Variants in USH2A observed in about 807,000 individuals in gnomAD.
USH2A encodes Usher syndrome 2A (autosomal recessive, mild).
A neutral mutation model predicts 538.9 loss-of-function variants in USH2A; 443 were observed. The observed-to-expected ratio is 0.82, with a 90% CI of 0.76 to 0.89. USH2A has a LOEUF of 0.89. USH2A is among the 40% of genes least tolerant of loss of function. The probability of loss-of-function intolerance (pLI) is 0.00; values close to 1 mark genes in which losing one functional copy is unlikely to be tolerated. For synonymous variants in USH2A, 2,413 were observed against 2,273.5 expected (o/e 1.06, Z -1.75); for missense variants, 6,633 against 6,324.8 (o/e 1.05, Z -1.65).
chr1:215,683,214 TATACACACACACACAC>T (rs1658296833), intron 61 of USH2A, among the ~76,000 whole-genome samples: 1 of 88,802 alleles, frequency 1.1e-5, no homozygotes, highest in African/African-American at 4.1e-5. Context: ...TGAATAGTTT[TATACACACACACACAC>T]ACACACACAC....
At chr1:215,920,846 G>T (rs1360756279) in intron 38 of USH2A, among the ~76,000 whole-genome samples, 1 of 152,008 alleles carries the variant, frequency 6.6e-6, no homozygotes, top group African/African-American at 2.4e-5. Flanking sequence ...GATGAGGAAA[G>T]TATTCCTGCT....
At chr1:216,355,172 A>G (rs1455285825) in intron 4 of USH2A, among the ~76,000 whole-genome samples, 1 of 151,692 alleles carries the variant, frequency 6.6e-6, no homozygotes, top group African/African-American at 2.4e-5. Flanking sequence ...GCATGGTGGC[A>G]TACACCTGTA....
intron 21 of USH2A, among the ~76,000 whole-genome samples, chr1:216,168,241 T>A (rs2034208050): frequency 6.6e-6 from 1 of 152,166 alleles, no homozygotes; most frequent in South Asian, 2.1e-4. Context: ...AAAATTAATG[T>A]GTTATATTGA....
intron 41 of USH2A, among the ~76,000 whole-genome samples, chr1:215,883,905 T>C (rs1664983777): frequency 6.6e-6 from 1 of 152,198 alleles, no homozygotes; most frequent in Non-Finnish European, 1.5e-5. Context: ...AATCATTTTA[T>C]CCAGCTTCAT....
Position 215,730,110 on chromosome 1 carries a change from AT to A in USH2A, c.11712-1727del, listed in dbSNP as rs543677640. ...TGCATACTCTTTTGGTACTAAATAT[AT>A]ATAGCATTAAATATAGAAGTAAGAG... On this transcript the variant is annotated intron_variant, in intron 60 of 71. Coordinates refer to ENST00000307340, the MANE Select transcript of USH2A (RefSeq NM_206933.4). 5.8e-4 allele frequency among the ~76,000 whole-genome samples: 89 copies of A among 152,316 alleles called. 1 individual carries two copies. The East Asian group carries it at 0.016, about 28-fold the overall frequency.
chr1:216,101,703 G>T (rs532459021), intron 21 of USH2A, among the ~76,000 whole-genome samples: 1 of 152,140 alleles, frequency 6.6e-6, no homozygotes, highest in Admixed American at 6.5e-5. Context: ...TTTAGACTTT[G>T]ATTTTCAAAA....
At chr1:216,049,628 A>T (rs2030671473) in intron 30 of USH2A, among the ~76,000 whole-genome samples, 1 of 152,132 alleles carries the variant, frequency 6.6e-6, no homozygotes, top group Non-Finnish European at 1.5e-5. Flanking sequence ...AGAATACATT[A>T]TTGCTTTAAG....
chr1:215,729,747 C>T (rs1030424522), intron 60 of USH2A, among the ~76,000 whole-genome samples: 2 of 152,188 alleles, frequency 1.3e-5, no homozygotes, highest in Admixed American at 6.5e-5. Context: ...CCTCCTGCCT[C>T]AGTCTCCTGA....
At chr1:215,876,570 C>T (rs931759434) in intron 43 of USH2A, among the ~76,000 whole-genome samples, 1 of 152,178 alleles carries the variant, frequency 6.6e-6, no homozygotes, top group African/African-American at 2.4e-5. Context: ...ACGAAGACCG[C>T]ACCCCTGCCT....
intron 14 of USH2A, among the ~76,000 whole-genome samples, chr1:216,228,854 C>T (rs1182723330): frequency 1.3e-5 from 2 of 152,054 alleles, no homozygotes; most frequent in East Asian, 1.9e-4. Flanking sequence ...TAAAGATATC[C>T]AAACTCATTT....
chr1:215,630,522 ATATATG>A (rs1309318082), intron 70 of USH2A, among the ~76,000 whole-genome samples: 3 of 125,796 alleles, frequency 2.4e-5, no homozygotes, highest in Admixed American at 8.0e-5. Context: ...ATATATATAT[ATATATG>A]AGAGAGAGAA....
At chr1:216,307,580 C>T (rs1229297370) in intron 9 of USH2A, among the ~76,000 whole-genome samples, 1 of 152,176 alleles carries the variant, frequency 6.6e-6, no homozygotes, top group African/African-American at 2.4e-5. Context: ...CCAGTTCACC[C>T]TCACCCCCAG....
intron 11 of USH2A, among the ~76,000 whole-genome samples, chr1:216,258,083 A>G (rs1401302417): frequency 6.6e-6 from 1 of 152,066 alleles, no homozygotes; most frequent in Non-Finnish European, 1.5e-5. Context: ...TACATGCCTG[A>G]TAATCTTTGA....
intron 21 of USH2A, among the ~76,000 whole-genome samples, chr1:216,112,694 G>A (rs1386737160): frequency 6.6e-6 from 1 of 152,062 alleles, no homozygotes; most frequent in East Asian, 1.9e-4. Context: ...CCACTTATAA[G>A]TGAGAATGTG....
intron 11 of USH2A, among the ~76,000 whole-genome samples, chr1:216,264,051 G>T (rs1254232969): frequency 6.6e-6 from 1 of 151,970 alleles, no homozygotes; most frequent in Non-Finnish European, 1.5e-5. Context: ...TGTAACCAAA[G>T]GGTAAAAGTT....
intron 27 of USH2A, among the ~76,000 whole-genome samples, chr1:216,077,814 TTAATAA>T (rs898023491): frequency 6.6e-6 from 1 of 150,922 alleles, no homozygotes; most frequent in Non-Finnish European, 1.5e-5. Flanking sequence ...ATATGTCACA[TTAATAA>T]TAATATGTAT....
intron 62 of USH2A, among the ~76,000 whole-genome samples, chr1:215,679,314 T>C (rs1399848264): frequency 6.6e-6 from 1 of 152,170 alleles, no homozygotes; most frequent in Non-Finnish European, 1.5e-5. Context: ...GTCTGCCTCT[T>C]GGAGAAGGAG....
Position 215,900,860 on chromosome 1 carries a change from G to A in USH2A, c.7346C>T (p.Thr2449Ile). ...LPPRLSSATPTSLQVVWSTPA... is the reference protein window; with the variant it reads ...LPPRLSSATPISLQVVWSTPA... ...TGTAGACCAGACAACCTGAAGACTG[G>A]TTGGAGTGGCAGATGAAAGCCTGGG... The change falls in exon 39 of 72, where the codon ACC becomes ATC. Residue 2449 changes from threonine to isoleucine, a missense_variant. Transcript: ENST00000307340. 6.2e-7 allele frequency: 1 copy of A among 1,613,720 alleles called. No individual in the cohort carries two copies. The highest frequency in any genetic ancestry group is 8.5e-7 in the Non-Finnish European group (1 of 1,179,760).
At chr1:216,219,949 G>A (rs1483255409) in intron 14 of USH2A, among the ~76,000 whole-genome samples, 2 of 152,066 alleles carry the variant, frequency 1.3e-5, no homozygotes, top group African/African-American at 4.8e-5. Flanking sequence ...CTCAGTATTT[G>A]CTGGTTACAA....
Sources: allele counts gnomAD v4.1 joint callset (sites outside exome capture counted in the v4.1 genomes callset), GRCh38; gene constraint gnomAD v4.1.1; transcripts MANE v1.5; gene names NCBI Gene and HGNC (gene_info 2026-07-23, HGNC 2026-07-21).